CDH4: variants seen among roughly 807,000 people sequenced by gnomAD.
CDH4 encodes the protein cadherin-4.
In CDH4, 33 loss-of-function variants were observed where a neutral mutation model predicts 86.0. That is an observed-to-expected ratio of 0.38 (90% CI 0.29 to 0.51). The LOEUF is 0.51. CDH4 is among the 20% of genes least tolerant of loss of function. CDH4 has a pLI of 0.86. For synonymous variants in CDH4, 555 were observed against 549.4 expected, an observed-to-expected ratio of 1.01 and a Z score of -0.14; for missense variants, 1,114 against 1,307.4, an observed-to-expected ratio of 0.85 and a Z score of 2.28.
In CDH4 at chr20:61,914,737, C is replaced by T. The variant is rs530490015; in HGVS notation, c.1374+4130C>T. 4.1e-4 allele frequency among the ~76,000 whole-genome samples: 63 copies of T among 152,292 alleles called. No individual in the cohort carries two copies. In the South Asian group the frequency reaches 0.012, roughly 30 times the overall value. ...ACACCCACAGGCGGGCTGGCACCCA[C>T]CAGCAGAAACCCAGATGTGAAAATC... is the stretch of plus-strand genomic sequence containing the variant. On this transcript the variant is annotated intron_variant, in intron 9 of 15. Transcript: ENST00000614565.
At chr20:61,529,645 T>C (rs1461967343) in intron 2 of CDH4, among the ~76,000 whole-genome samples, 1 of 152,192 alleles carries the variant, frequency 6.6e-6, no homozygotes, top group Admixed American at 6.5e-5. Context: ...TACGTTTCTG[T>C]TGAAACATGG....
intron 2 of CDH4, among the ~76,000 whole-genome samples, chr20:61,382,970 C>A (rs117603132): frequency 5.3e-5 from 8 of 149,740 alleles, no homozygotes; most frequent in Non-Finnish European, 5.9e-5. Context: ...TCAATCGGTA[C>A]ACAGACAAAA....
At chr20:61,851,310 C>A (rs1982715779) in intron 5 of CDH4, among the ~76,000 whole-genome samples, 1 of 152,202 alleles carries the variant, frequency 6.6e-6, no homozygotes, top group Non-Finnish European at 1.5e-5. Flanking sequence ...CGTAAACACA[C>A]AATGTAGGGG....
intron 3 of CDH4, among the ~76,000 whole-genome samples, chr20:61,749,775 A>T (rs911280109): frequency 1.3e-5 from 2 of 152,198 alleles, no homozygotes; most frequent in African/African-American, 2.4e-5. Flanking sequence ...GAAGGCAGAA[A>T]ATTGGCTGGG....
chr20:61,842,009 G>A (rs771100766), intron 4 of CDH4, among the ~76,000 whole-genome samples: 18 of 152,224 alleles, frequency 1.2e-4, no homozygotes, highest in Admixed American at 6.5e-5. Flanking sequence ...GCGAAATGCT[G>A]GCTTAAGAAA....
intron 4 of CDH4, among the ~76,000 whole-genome samples, chr20:61,786,443 A>G (rs1386775138): frequency 2.6e-5 from 4 of 152,114 alleles, no homozygotes; most frequent in Non-Finnish European, 4.4e-5. Flanking sequence ...GAAGAAAGCA[A>G]TCATTTTGGA....
chr20:61,656,613 G>T (rs2087194454), intron 2 of CDH4, among the ~76,000 whole-genome samples: 1 of 152,146 alleles, frequency 6.6e-6, no homozygotes, highest in South Asian at 2.1e-4. Flanking sequence ...TGGTCATAGG[G>T]GCCTCTGGGC....
chr20:61,530,115 C>T (rs1249452541), intron 2 of CDH4, among the ~76,000 whole-genome samples: 1 of 152,138 alleles, frequency 6.6e-6, no homozygotes, highest in East Asian at 1.9e-4. Context: ...TCACTACAAC[C>T]TCCGCCTCCC....
intron 2 of CDH4, among the ~76,000 whole-genome samples, chr20:61,380,759 T>C (rs190380556): frequency 6.6e-6 from 1 of 152,206 alleles, no homozygotes; most frequent in East Asian, 1.9e-4. Flanking sequence ...AGATCTTTCA[T>C]GATGCTGAAA....
intron 4 of CDH4, among the ~76,000 whole-genome samples, chr20:61,792,097 G>T (rs1979234789): frequency 6.6e-6 from 1 of 152,150 alleles, no homozygotes; most frequent in Non-Finnish European, 1.5e-5. Flanking sequence ...GGAGAGAGTT[G>T]CCCTGAGGAG....
At chr20:61,433,133 C>T (rs2145518460) in intron 2 of CDH4, among the ~76,000 whole-genome samples, 1 of 152,292 alleles carries the variant, frequency 6.6e-6, no homozygotes, top group East Asian at 1.9e-4. Context: ...GCCACAACAC[C>T]CAGCCTATGA....
chr20:61,817,774 T>C (rs1980801800), intron 4 of CDH4, among the ~76,000 whole-genome samples: 1 of 152,226 alleles, frequency 6.6e-6, no homozygotes, highest in African/African-American at 2.4e-5. Context: ...GAGGCCAGGC[T>C]GCTGAGAGCA....
chr20:61,777,742 A>G (rs2088860917), intron 4 of CDH4, among the ~76,000 whole-genome samples: 1 of 98,262 alleles, frequency 1.0e-5, no homozygotes, highest in Admixed American at 1.1e-4. Flanking sequence ...ATACAAAAAC[A>G]CACACCCACA....
At chr20:61,724,194 C>T (rs2088082974) in intron 2 of CDH4, among the ~76,000 whole-genome samples, 1 of 152,114 alleles carries the variant, frequency 6.6e-6, no homozygotes, top group Non-Finnish European at 1.5e-5. Context: ...GGGTGGGTCC[C>T]CATACAGGGG....
At chr20:61,553,827 G>A (rs1470843935) in intron 2 of CDH4, among the ~76,000 whole-genome samples, 1 of 152,190 alleles carries the variant, frequency 6.6e-6, no homozygotes, top group African/African-American at 2.4e-5. Flanking sequence ...ACCTCGCTTG[G>A]TAGATATGTG....
chr20:61,692,249 GTA>G (rs1289860737), intron 2 of CDH4, among the ~76,000 whole-genome samples: 2 of 151,650 alleles, frequency 1.3e-5, no homozygotes, highest in African/African-American at 4.8e-5. Context: ...GTATGTGTGT[GTA>G]TGTGTGTGTC....
At chr20:61,854,267 G>A (rs1982878826) in intron 6 of CDH4, among the ~76,000 whole-genome samples, 1 of 152,214 alleles carries the variant, frequency 6.6e-6, no homozygotes, top group Non-Finnish European at 1.5e-5. Flanking sequence ...CAGCATCCCA[G>A]CTCTGGGACT....
At chr20:61,331,699 A>ACCTCCTGCCCTGGCCACCTGCCCCAGG (rs1568801289) in intron 2 of CDH4, among the ~76,000 whole-genome samples, 1 of 9,142 alleles carries the variant, frequency 1.1e-4, no homozygotes, top group Non-Finnish European at 2.3e-4. Context: ...CCTGCCCCAG[A>ACCTCCTGCCCTGGCCACCTGCCCCAGG]GCCACCTCCT....
rs6061260 is a variant in CDH4, at chr20:61,496,430, G to T, written c.169+241493G>T. 2.0e-3 allele frequency among the ~76,000 whole-genome samples: 307 copies of T among 151,988 alleles called. 1 individual carries two copies. The highest frequency in any genetic ancestry group is 7.1e-3 in the African/African-American group (293 of 41,476). ...AAAAAAAAAAATCTAAAATTCACAT[G>T]TTCCTGTGTTTCCTTCATCCCATAT... On this transcript the variant is annotated intron_variant, in intron 2 of 15. Coordinates refer to ENST00000614565, the MANE Select transcript of CDH4 (RefSeq NM_001794.5).
Sources: gnomAD v4.1 joint callset for allele counts (sites outside exome capture counted in the v4.1 genomes callset) on GRCh38, gnomAD v4.1.1 for gene constraint, MANE v1.5 for transcripts, NCBI Gene and HGNC (gene_info 2026-07-23, HGNC 2026-07-21) for gene names.